NUF2: variants seen among roughly 807,000 people sequenced by gnomAD.
NUF2 encodes kinetochore protein Nuf2.
In NUF2, 34 loss-of-function variants were observed where a neutral mutation model predicts 61.8. The observed-to-expected ratio is 0.55, with a 90% CI of 0.42 to 0.73. The LOEUF is 0.73. Ranked by LOEUF, NUF2 falls within the 30% of genes least tolerant of loss-of-function variation. The probability of loss-of-function intolerance (pLI) is 0.00; values close to 1 mark genes in which losing one functional copy is unlikely to be tolerated. For synonymous variants in NUF2, 172 were observed against 181.6 expected, an observed-to-expected ratio of 0.95 and a Z score of 0.42; for missense variants, 445 against 539.1, an observed-to-expected ratio of 0.83 and a Z score of 1.73.
Position 163,347,800 on chromosome 1 carries a change from C to A in NUF2, c.986C>A (p.Ser329Ter). The A allele has an allele frequency of 1.2e-6, 2 of 1,607,628 alleles. No individual in the cohort carries two copies. The highest frequency in any genetic ancestry group is 2.2e-5 in the South Asian group (2 of 89,272). The change falls in exon 12 of 14, where the codon TCA becomes TAA. Residue 329 changes from serine to a stop codon, truncating the protein, a stop_gained. Transcript: ENST00000271452. LOFTEE classifies it high-confidence loss of function. Reference protein sequence around the residue: ...NLEDQIESDESELKKLKTEEN... With the variant: ...NLEDQIESDE ...GAGGACCAAATTGAGAGTGATGAGTCAGAACTGAAGAAATTGAAGACTGAA... is the reference window on the plus strand; with the variant it reads ...GAGGACCAAATTGAGAGTGATGAGTAAGAACTGAAGAAATTGAAGACTGAA...
chr1:163,342,680 A>G (rs950409621), intron 9 of NUF2, among the ~76,000 whole-genome samples: 5 of 152,094 alleles, frequency 3.3e-5, no homozygotes, highest in Non-Finnish European at 5.9e-5. Context: ...ATATATATGT[A>G]TGTATATAGA....
At chr1:163,331,447 T>C (rs757123326) in intron 5 of NUF2, among the ~76,000 whole-genome samples, 1 of 152,032 alleles carries the variant, frequency 6.6e-6, no homozygotes, top group Non-Finnish European at 1.5e-5. Flanking sequence ...ATGATGGATA[T>C]TGTTCTGTAG....
chr1:163,322,156 C>A lies in NUF2; in HGVS notation c.-77C>A, dbSNP rs1026305811. 7.2e-5 allele frequency: 11 copies of A among 152,270 alleles called. No homozygotes were observed. Among genetic ancestry groups the A allele is most frequent in the African/African-American group, 2.7e-4 (11 of 41,432 alleles). The allele number at this position is 152,270 out of a possible 1,614,324, so 9.4% of individuals were successfully genotyped here. A position where few individuals can be genotyped will look rare whatever the true frequency, so the allele number is the denominator to read the frequency against. ...GCAGGTGCCGGGACGCTGGGCCTGG[C>A]GGTGTTTTCGTCGTGCTCAGCGGTG... On this transcript the variant is annotated 5_prime_UTR_variant, in exon 1 of 14. Transcript: ENST00000271452.
chr1:163,324,748 G>A (rs1650354593), intron 1 of NUF2, among the ~76,000 whole-genome samples: 1 of 152,030 alleles, frequency 6.6e-6, no homozygotes, highest in African/African-American at 2.4e-5. Flanking sequence ...GTGGTTACAG[G>A]GAGAGATATG....
intron 1 of NUF2, among the ~76,000 whole-genome samples, chr1:163,324,850 T>C (rs1650361056): frequency 6.6e-6 from 1 of 151,762 alleles, no homozygotes. Context: ...ACAAGTATTA[T>C]AACAGGGGTA....
intron 5 of NUF2, among the ~76,000 whole-genome samples, chr1:163,332,900 C>T (rs1480994424): frequency 6.6e-6 from 1 of 152,148 alleles, no homozygotes; most frequent in Admixed American, 6.5e-5. Context: ...TATTATTCAG[C>T]CCACCACATG....
intron 13 of NUF2, among the ~76,000 whole-genome samples, chr1:163,355,117 C>T (rs1038848482): frequency 2.1e-5 from 2 of 93,846 alleles, no homozygotes; most frequent in Non-Finnish European, 4.6e-5. Context: ...TCATGTCGCT[C>T]CTTTGTTCCT....
At position 163,326,195 on chromosome 1, in the gene NUF2, C is replaced by T. The variant is rs770470342; in HGVS notation, c.123+21C>T. On this transcript the variant is annotated intron_variant, in intron 2 of 13. Coordinates refer to ENST00000271452, the MANE Select transcript of NUF2 (RefSeq NM_145697.3). ...CAAAGGTAAAAGGTGGTTACGTTTGCATGTGGATAATGGTATTTAGGGAAA... is the reference window on the plus strand; with the variant it reads ...CAAAGGTAAAAGGTGGTTACGTTTGTATGTGGATAATGGTATTTAGGGAAA... 14 of 1,608,710 alleles carry T rather than the reference C, an allele frequency of 8.7e-6. No homozygotes were observed. In the East Asian group the frequency reaches 2.9e-4, roughly 33 times the overall value.
intron 13 of NUF2, among the ~76,000 whole-genome samples, chr1:163,353,037 GT>G (rs1306580490): frequency 6.6e-6 from 1 of 152,154 alleles, no homozygotes; most frequent in Non-Finnish European, 1.5e-5. Flanking sequence ...GTGCTGTCCA[GT>G]GGGGAGCTAT....
At chr1:163,333,144 C>G (rs1269729918) in intron 5 of NUF2, among the ~76,000 whole-genome samples, 1 of 152,142 alleles carries the variant, frequency 6.6e-6, no homozygotes, top group African/African-American at 2.4e-5. Flanking sequence ...CCTTGAAGCT[C>G]TAGTTTTAGA....
chr1:163,331,567 A>G (rs192229591), intron 5 of NUF2, among the ~76,000 whole-genome samples: 1 of 152,098 alleles, frequency 6.6e-6, no homozygotes, highest in Non-Finnish European at 1.5e-5. Flanking sequence ...GTTTTATAAA[A>G]TTTGTATTAT....
intron 6 of NUF2, among the ~76,000 whole-genome samples, chr1:163,337,766 G>A (rs563831015): frequency 6.6e-6 from 1 of 152,146 alleles, no homozygotes; most frequent in South Asian, 2.1e-4. Context: ...GGCTCCTCAA[G>A]GAGGCTTAGC....
In NUF2 at chr1:163,339,411, C is replaced by T; in HGVS notation, c.540C>T (p.Phe180=). Residue 180 remains phenylalanine (F), a synonymous_variant, in exon 8 of 14, where the codon TTC becomes TTT. Transcript: ENST00000271452. ...DSVPVEEQEE[F]KQLSDGIQEL... Reference sequence around the variant, plus strand: ...TTCCAGTTGAAGAGCAAGAAGAGTTCAAGCAGCTTTCAGATGGAATTCAGG... The same window carrying T: ...TTCCAGTTGAAGAGCAAGAAGAGTTTAAGCAGCTTTCAGATGGAATTCAGG... The T allele has an allele frequency of 6.2e-7, 1 of 1,612,440 alleles. No individual in the cohort carries two copies. Among genetic ancestry groups the T allele is most frequent in the Non-Finnish European group, 8.5e-7 (1 of 1,178,650 alleles).
chr1:163,339,378 A>G lies in NUF2; in HGVS notation c.510-3A>G, dbSNP rs1650865184. ...GTATTTTAATCTATTTTGCTGTGTT[A>G]AGTTCTGTTCCAGTTGAAGAGCAAG... On this transcript the variant is annotated splice_region_variant and splice_polypyrimidine_tract_variant and intron_variant, in intron 7 of 13. Coordinates refer to ENST00000271452, the MANE Select transcript of NUF2 (RefSeq NM_145697.3). 1.9e-6 allele frequency: 3 copies of G among 1,596,242 alleles called. No individual in the cohort carries two copies. The highest frequency in any genetic ancestry group is 1.7e-5 in the Admixed American group (1 of 59,780).
chr1:163,327,099 C>CTTT (rs56803466), intron 2 of NUF2, among the ~76,000 whole-genome samples: 124,104 of 147,808 alleles, frequency 0.84, 52,274 homozygotes, highest in South Asian at 0.93. Flanking sequence ...TTCCTGTGTT[C>CTTT]ACACACACAC....
At chr1:163,345,083 G>A (rs939615477) in intron 10 of NUF2, among the ~76,000 whole-genome samples, 4 of 151,906 alleles carry the variant, frequency 2.6e-5, no homozygotes, top group African/African-American at 7.3e-5. Flanking sequence ...ACATAATTAC[G>A]GTGCATATGA....
intron 8 of NUF2, 166 bp from the exon 9 acceptor site, chr1:163,340,198 C>T: frequency 1.8e-6 from 1 of 546,910 alleles, no homozygotes; most frequent in Non-Finnish European, 3.2e-6. Context: ...TAAAGGAACT[C>T]TTAGATATTT....
At chr1:163,326,577 A>G (rs1014289679) in intron 2 of NUF2, among the ~76,000 whole-genome samples, 7 of 152,136 alleles carry the variant, frequency 4.6e-5, no homozygotes, top group African/African-American at 1.7e-4. Flanking sequence ...CCTACAGATT[A>G]ATTTTCATGC....
chr1:163,346,770 A>C (rs1164736974), intron 11 of NUF2, among the ~76,000 whole-genome samples: 1 of 152,114 alleles, frequency 6.6e-6, no homozygotes. Context: ...TGGGAGGATC[A>C]CTTGAGTCAA....
Sources: allele counts gnomAD v4.1 joint callset (sites outside exome capture counted in the v4.1 genomes callset), GRCh38; gene constraint gnomAD v4.1.1; transcripts MANE v1.5; gene names NCBI Gene and HGNC (gene_info 2026-07-23, HGNC 2026-07-21).